GABRA4: variants seen among roughly 807,000 people sequenced by gnomAD.
The protein encoded by GABRA4 is gamma-aminobutyric acid type A receptor subunit alpha4, also known as gamma-aminobutyric acid receptor subunit alpha-4.
In GABRA4, 12 loss-of-function variants were observed where a neutral mutation model predicts 49.7. The observed-to-expected ratio is 0.24, with a 90% CI of 0.15 to 0.39. The LOEUF (loss-of-function observed/expected upper bound fraction) is 0.39, where lower values mean the gene tolerates loss of function less well. Among genes scored for constraint, GABRA4 ranks in the 10% least tolerant of loss-of-function variants. GABRA4 has a pLI of 1.00. For synonymous variants in GABRA4, 288 were observed against 240.2 expected (o/e 1.20, Z -1.84); for missense variants, 506 against 686.0 (o/e 0.74, Z 2.93).
At chr4:46,942,573 T>C (rs1721842172) in intron 8 of GABRA4, among the ~76,000 whole-genome samples, 2 of 149,374 alleles carry the variant, frequency 1.3e-5, no homozygotes, top group Non-Finnish European at 3.0e-5. Flanking sequence ...TGCTGTGAGC[T>C]GAGATTGCAC....
rs151284600 is a variant in GABRA4 at position 46,989,206 on chromosome 4, A to G, written c.205+3622T>C. Reference sequence around the variant, plus strand: ...CCCTTCAATAAACGGAAAATGAGTGACGGCAGGTTTCCTAAACCATTTCCT... The same window carrying G: ...CCCTTCAATAAACGGAAAATGAGTGGCGGCAGGTTTCCTAAACCATTTCCT... On this transcript the variant is annotated intron_variant, in intron 2 of 8. Transcript: ENST00000264318. Among the ~76,000 whole-genome samples the G allele has an allele frequency of 2.5e-3, 383 of 152,318 alleles. 3 individuals carry two copies. The highest frequency in any genetic ancestry group is 8.2e-3 in the African/African-American group (340 of 41,564).
intron 8 of GABRA4, among the ~76,000 whole-genome samples, chr4:46,932,573 A>G (rs946624404): frequency 6.6e-6 from 1 of 152,244 alleles, no homozygotes; most frequent in African/African-American, 2.4e-5. Context: ...CCACTCAAGG[A>G]TTATTAAGTC....
intron 3 of GABRA4, among the ~76,000 whole-genome samples, chr4:46,978,708 A>G (rs867024800): frequency 1.5e-4 from 22 of 149,530 alleles, no homozygotes; most frequent in Admixed American, 1.1e-3. Flanking sequence ...AAAAAAAAAA[A>G]AAAAAGAAAA....
intron 8 of GABRA4, among the ~76,000 whole-genome samples, chr4:46,938,679 A>C (rs1721682477): frequency 1.3e-5 from 2 of 152,104 alleles, no homozygotes; most frequent in South Asian, 4.1e-4. Context: ...ATTTATAATA[A>C]CTGTAATAGA....
At chr4:46,982,834 T>G (rs2036940) in intron 2 of GABRA4, among the ~76,000 whole-genome samples, 16,104 of 152,094 alleles carry the variant, frequency 0.11, 929 homozygotes, top group South Asian at 0.19. Context: ...TGCCATGTTG[T>G]TCAAGTCGAG....
chr4:46,928,869 T>A, intron 8 of GABRA4, 114 bp from the exon 9 acceptor site: 1 of 682,190 alleles, frequency 1.5e-6, no homozygotes, highest in Non-Finnish European at 2.4e-6. Context: ...AAAACTTTAT[T>A]AATAAGCTGT....
intron 2 of GABRA4, among the ~76,000 whole-genome samples, chr4:46,987,048 C>A (rs6816951): frequency 6.6e-6 from 1 of 152,080 alleles, no homozygotes; most frequent in Non-Finnish European, 1.5e-5. Flanking sequence ...ACAAGGAGAG[C>A]CTTTTAAAAT....
intron 6 of GABRA4, among the ~76,000 whole-genome samples, chr4:46,972,625 T>A (rs1303674879): frequency 6.6e-6 from 1 of 151,514 alleles, no homozygotes; most frequent in Non-Finnish European, 1.5e-5. Flanking sequence ...TGAGACCTAT[T>A]CTCTCAGCAA....
intron 8 of GABRA4, among the ~76,000 whole-genome samples, chr4:46,930,508 G>A (rs1038306369): frequency 5.9e-5 from 9 of 151,702 alleles, no homozygotes; most frequent in African/African-American, 2.2e-4. Context: ...ATACACACAT[G>A]ATACAATAAA....
At chr4:46,958,523 A>C (rs1000471623) in intron 8 of GABRA4, among the ~76,000 whole-genome samples, 1 of 151,992 alleles carries the variant, frequency 6.6e-6, no homozygotes, top group East Asian at 1.9e-4. Context: ...CATCCATGAG[A>C]GAGTAGGTAC....
At chr4:46,983,079 G>A (rs1723414245) in intron 2 of GABRA4, among the ~76,000 whole-genome samples, 1 of 152,088 alleles carries the variant, frequency 6.6e-6, no homozygotes, top group African/African-American at 2.4e-5. Context: ...TCATGAGAAT[G>A]TTATGGATCT....
Position 46,920,915 on chromosome 4 carries a change from T to C in GABRA4, c.*7310A>G, listed in dbSNP as rs1372050991. 1.3e-5 allele frequency: 2 copies of C among 151,876 alleles called. No individual in the cohort carries two copies. Among genetic ancestry groups the C allele is most frequent in the African/African-American group, 4.8e-5 (2 of 41,438 alleles). The allele number at this position is 151,876 out of a possible 1,614,324, so 9.4% of individuals were successfully genotyped here. A position where few individuals can be genotyped will look rare whatever the true frequency, so the allele number is the denominator to read the frequency against. On this transcript the variant is annotated 3_prime_UTR_variant, in exon 9 of 9. Transcript: ENST00000264318. ...TAATCAACTCTGTCATAGCTTGAGG[T>C]ATCTGATGACATTTCAAATACATTT...
chr4:46,980,006 T>C (rs1723292462), intron 2 of GABRA4, among the ~76,000 whole-genome samples: 1 of 152,098 alleles, frequency 6.6e-6, no homozygotes, highest in Non-Finnish European at 1.5e-5. Flanking sequence ...GCATGAAGCT[T>C]AAAATCAGAA....
chr4:46,962,933 C>T (rs1260229037), intron 8 of GABRA4, among the ~76,000 whole-genome samples: 1 of 151,784 alleles, frequency 6.6e-6, no homozygotes, highest in African/African-American at 2.4e-5. Flanking sequence ...AGACCCCTAT[C>T]TCTGCCATAT....
chr4:46,938,226 A>G (rs1474359751), intron 8 of GABRA4, among the ~76,000 whole-genome samples: 3 of 152,256 alleles, frequency 2.0e-5, no homozygotes, highest in Non-Finnish European at 2.9e-5. Context: ...GCTTCAATAT[A>G]TTCAAAAATT....
Position 46,993,558 on chromosome 4 carries a change from C to A in GABRA4, c.-134G>T. On this transcript the variant is annotated 5_prime_UTR_variant, in exon 1 of 9. Coordinates refer to ENST00000264318, the MANE Select transcript of GABRA4 (RefSeq NM_000809.4). ...GCGCTCACACTCGCCCGCGCTCAGC[C>A]AGCCCGAGCCGCGGTGGGCGTGTGT... The A allele has an allele frequency of 1.1e-6, 1 of 888,710 alleles. No individual in the cohort carries two copies. The highest frequency in any genetic ancestry group is 1.8e-6 in the Non-Finnish European group (1 of 566,120). 55.1% of individuals were successfully genotyped at this position (888,710 alleles called of 1,614,324 possible).
At chr4:46,964,772 G>A (rs1407521969) in intron 8 of GABRA4, among the ~76,000 whole-genome samples, 198 bp downstream of exon 8, 1 of 151,734 alleles carries the variant, frequency 6.6e-6, no homozygotes, top group Non-Finnish European at 1.5e-5. Context: ...ATCTAGCTCT[G>A]TCACAGCTGT....
rs971880315 is a variant in GABRA4 at position 46,977,478 on chromosome 4, T to A, written c.426A>T (p.Ser142=). Residue 142 remains serine, a synonymous_variant, in exon 4 of 9, where the codon TCA becomes TCT. Coordinates refer to ENST00000264318, the MANE Select transcript of GABRA4 (RefSeq NM_000809.4). ...GCTTATTTGGAGCTGTCATATTATG[T>A]GAGACAGATTTCTTTCCATTCCTGA... ...TFFRNGKKSV[S]HNMTAPNKLF... is the part of the protein sequence containing the mutation. 10 of 1,611,352 alleles carry A rather than the reference T, an allele frequency of 6.2e-6. No individual in the cohort carries two copies. Among genetic ancestry groups the A allele is most frequent in the African/African-American group, 1.3e-5 (1 of 74,832 alleles).
At chr4:46,974,753 T>C (rs1206383121) in intron 5 of GABRA4, among the ~76,000 whole-genome samples, 1 of 151,920 alleles carries the variant, frequency 6.6e-6, no homozygotes, top group African/African-American at 2.4e-5. Flanking sequence ...TCTAACTCAC[T>C]TCCAATGCTT....
Sources: allele counts gnomAD v4.1 joint callset (sites outside exome capture counted in the v4.1 genomes callset), GRCh38; gene constraint gnomAD v4.1.1; transcripts MANE v1.5; gene names NCBI Gene and HGNC (gene_info 2026-07-23, HGNC 2026-07-21).